Variants in ITGA10 observed in about 807,000 individuals in gnomAD.
ITGA10 encodes the protein integrin subunit alpha 10.
Under a neutral mutation model 145.2 loss-of-function variants are expected in ITGA10, and 105 were observed. The observed-to-expected ratio is 0.72, with a 90% CI of 0.62 to 0.85. The LOEUF (loss-of-function observed/expected upper bound fraction) is 0.85. Ranked by LOEUF, ITGA10 falls within the 40% of genes least tolerant of loss-of-function variation. The pLI, the probability that ITGA10 is intolerant of heterozygous loss-of-function variation, is 0.00. For synonymous variants in ITGA10, 506 were observed against 557.8 expected (o/e 0.91, Z 1.31); for missense variants, 1,317 against 1,444.5 (o/e 0.91, Z 1.43).
chr1:145,902,768 C>A (rs374148048), intron 8 of ITGA10, 43 bp downstream of exon 8: 19 of 1,581,186 alleles, frequency 1.2e-5, no homozygotes, highest in Non-Finnish European at 1.4e-5. Context: ...ACACTGCCCC[C>A]CTGCCACTCC....
At chr1:145,899,490 G>T in intron 15 of ITGA10, 149 bp from the exon 16 acceptor site, 2 of 838,528 alleles carry the variant, frequency 2.4e-6, no homozygotes, top group Non-Finnish European at 1.9e-6. Flanking sequence ...ACAGAAGTAA[G>T]ATAATAGATT....
In ITGA10 at chr1:145,893,289, G is replaced by A; in HGVS notation, c.3325-15C>T. The A allele has an allele frequency of 6.3e-7, 1 of 1,581,690 alleles. No individual in the cohort carries two copies. Among genetic ancestry groups the A allele is most frequent in the Non-Finnish European group, 8.7e-7 (1 of 1,150,630 alleles). On this transcript the variant is annotated splice_polypyrimidine_tract_variant and intron_variant, in intron 28 of 29. Transcript: ENST00000369304. ...TCCAAGAGGCTCTGCGTGGACAGAA[G>A]AGTAGTTTTCTACATGCATCCTATA...
chr1:145,904,287 G>GA lies in ITGA10; in HGVS notation c.610-88dup, dbSNP rs1553750327. ...AGAAAGTATATAAGAGAGGAGAGAT[G>GA]AACACCTGGATACTACTGAAGACAA... On this transcript the variant is annotated intron_variant, in intron 6 of 29. Transcript: ENST00000369304. 3.1e-6 allele frequency: 4 copies of GA among 1,272,830 alleles called. No individual in the cohort carries two copies. The East Asian group carries it at 9.3e-5, about 30-fold the overall frequency. 78.8% of individuals were successfully genotyped at this position (1,272,830 alleles called of 1,614,324 possible).
intron 17 of ITGA10, 41 bp from the exon 18 acceptor site, chr1:145,898,264 C>A (rs782310528): frequency 7.6e-7 from 1 of 1,311,316 alleles, no homozygotes; most frequent in Non-Finnish European, 1.1e-6. Flanking sequence ...AGTCAAGGAT[C>A]TTGTGATAAT....
intron 8 of ITGA10, 93 bp downstream of exon 8, chr1:145,902,718 T>G: frequency 6.5e-7 from 1 of 1,540,288 alleles, no homozygotes; most frequent in Non-Finnish European, 8.7e-7. Context: ...GTTAATGCCC[T>G]TGTTTTCCTC....
chr1:145,894,332 G>A (rs1034693813), intron 27 of ITGA10, among the ~76,000 whole-genome samples: 3 of 151,840 alleles, frequency 2.0e-5, no homozygotes, highest in African/African-American at 4.8e-5. Context: ...GGATGGTCTC[G>A]ATCTCCTGAT....
In ITGA10 at chr1:145,897,616, C is replaced by G; in HGVS notation, c.2470G>C (p.Val824Leu). Residue 824 changes from valine to leucine, a missense_variant, in exon 20 of 30, where the codon GTG becomes CTG. Coordinates refer to ENST00000369304, the MANE Select transcript of ITGA10 (RefSeq NM_003637.5). ...TTCTCCAGAGTTGTAGATACCAGCA[C>G]TTTCCGCCGGCCACCTCGAACCACA... ...PFVVRGGRRK[V>L]LVSTTLENRK... The G allele has an allele frequency of 6.2e-7, 1 of 1,614,154 alleles. No homozygotes were observed. Among genetic ancestry groups the G allele is most frequent in the Non-Finnish European group, 8.5e-7 (1 of 1,180,032 alleles).
intron 7 of ITGA10, among the ~76,000 whole-genome samples, chr1:145,903,354 AC>A (rs1656654525): frequency 6.6e-6 from 1 of 152,164 alleles, no homozygotes. Flanking sequence ...CAATTTTACC[AC>A]CGTGCCCCTA....
rs782717457 is a variant in ITGA10, at chr1:145,909,978, G to T, written c.37C>A (p.Leu13Met). The T allele has an allele frequency of 1.2e-6, 2 of 1,613,446 alleles. No homozygotes were observed. Among genetic ancestry groups the T allele is most frequent in the Admixed American group, 1.7e-5 (1 of 59,994 alleles). ...CTTCCCTCACCTGTCAGGAACACCA[G>T]GGGCAAGAACAGGTGAGTGACGAAG... ...LPFVTHLFLP[L>M]VFLTGLCSPF... Residue 13 changes from leucine to methionine, a missense_variant, in exon 1 of 30, where the codon CTG (leucine) becomes ATG (methionine). Coordinates refer to ENST00000369304, the MANE Select transcript of ITGA10 (RefSeq NM_003637.5).
In ITGA10 at chr1:145,898,964, G is replaced by A. The variant is rs782552606; in HGVS notation, c.2204C>T (p.Thr735Ile). The part of the protein sequence containing the change: ...RRLRLSVGNV[T>I]CEQLHFHVLD... ...CACATGGAAGTGTAGCTGCTCACAA[G>A]TGACATTCCCCACACTGAGCCGGAG... Residue 735 changes from threonine (T) to isoleucine (I), a missense_variant, in exon 17 of 30, where the codon ACT becomes ATT. Thr to Ile is a moderately conservative substitution (Grantham distance 89). Transcript: ENST00000369304. The A allele has an allele frequency of 6.2e-7, 1 of 1,614,134 alleles. No homozygotes were observed. The highest frequency in any genetic ancestry group is 1.1e-5 in the South Asian group (1 of 91,080).
At position 145,907,110 on chromosome 1, in the gene ITGA10, G is replaced by C. The variant is rs587766107; in HGVS notation, c.205C>G (p.Arg69Gly). Residue 69 changes from arginine (R) to glycine (G), a missense_variant, in exon 3 of 30, where the codon CGG becomes GGG. Physicochemically the swap from Arg to Gly is moderately radical, Grantham distance 125. Transcript: ENST00000369304. ...GAPWDGPSGD[R>G]RGDVYRCPVG... ...GGGCAGCGATAAACGTCCCCCCTCC[G>C]GTCGCCTGAAGGCCCATCCCAGGGG... 2.6e-6 allele frequency: 4 copies of C among 1,564,010 alleles called. No individual in the cohort carries two copies. In the African/African-American group the frequency reaches 5.4e-5, roughly 21 times the overall value.
In ITGA10 at chr1:145,901,967, A is replaced by C. The variant is rs781841339; in HGVS notation, c.1204T>G (p.Trp402Gly). Residue 402 changes from tryptophan (W) to glycine (G), a missense_variant, in exon 11 of 30, where the codon TGG becomes GGG. Physicochemically the swap from Trp to Gly is radical, Grantham distance 184. Transcript: ENST00000369304. This position sits in a 1 kb window ranked among gnomAD's most constrained non-coding sequence, Gnocchi z 4.3. ...AAAAGGCGGTGGCCTCCTTCAAGCCATAGCACAGAGCCTCCCCAGTCATAG... is the reference window on the plus strand; with the variant it reads ...AAAAGGCGGTGGCCTCCTTCAAGCCCTAGCACAGAGCCTCCCCAGTCATAG... ...GAYDWGGSVL[W>G]LEGGHRLFPP... is the part of the protein sequence containing the mutation. 1 of 1,614,166 alleles carries C rather than the reference A, an allele frequency of 6.2e-7. No individual in the cohort carries two copies. Among genetic ancestry groups the C allele is most frequent in the Non-Finnish European group, 8.5e-7 (1 of 1,180,036 alleles).
At chr1:145,906,854 A>G in intron 3 of ITGA10, 30 bp from the exon 4 acceptor site, 6 of 1,496,238 alleles carry the variant, frequency 4.0e-6, no homozygotes, top group Non-Finnish European at 5.6e-6. Flanking sequence ...AGAGAATGAG[A>G]TCATGGGGTC....
intron 28 of ITGA10, 106 bp from the exon 29 acceptor site, chr1:145,893,380 T>G: frequency 1.0e-6 from 1 of 973,868 alleles, no homozygotes; most frequent in Non-Finnish European, 1.6e-6. Context: ...AACCTCCTGC[T>G]ACTTAAAGGA....
chr1:145,899,204 C>A lies in ITGA10; in HGVS notation c.2060G>T (p.Arg687Leu), dbSNP rs782806442. The A allele has an allele frequency of 1.2e-5, 19 of 1,614,100 alleles. 1 individual carries two copies. In the East Asian group the frequency reaches 4.0e-4, roughly 34 times the overall value. Residue 687 changes from arginine (R) to leucine (L), a missense_variant, in exon 16 of 30, where the codon CGT (arginine) becomes CTT (leucine). Arg to Leu is a moderately radical substitution (Grantham distance 102). Coordinates refer to ENST00000369304, the MANE Select transcript of ITGA10 (RefSeq NM_003637.5). The stretch of plus-strand genomic sequence containing the variant: ...TTGGTGATCCCAGCGACCAGGAGTA[C>A]GGGAGGTCACTTGGAAGCAAAGGGC... ...TAALCFQVTS[R>L]TPGRWDHQFY...
In ITGA10 at chr1:145,910,023, G is replaced by A. The variant is rs369903792; in HGVS notation, c.-9C>T. 115 of 1,611,968 alleles carry A rather than the reference G, an allele frequency of 7.1e-5. No individual in the cohort carries two copies. The highest frequency in any genetic ancestry group is 1.7e-4 in the Middle Eastern group (1 of 6,050). On this transcript the variant is annotated 5_prime_UTR_variant, in exon 1 of 30. Coordinates refer to ENST00000369304, the MANE Select transcript of ITGA10 (RefSeq NM_003637.5). ...ACGAAGGGGAGTTCCATGCCTGATC[G>A]GTTTCTGTCCAGTATGAGAAGTCCT...
intron 5 of ITGA10, 66 bp downstream of exon 5, chr1:145,906,328 G>T (rs1553750965): frequency 5.0e-6 from 6 of 1,204,784 alleles, no homozygotes; most frequent in Non-Finnish European, 7.4e-6. Context: ...ATACCGCTTT[G>T]CCCCATCTTT....
At chr1:145,894,528 C>T (rs1553744239) in intron 27 of ITGA10, among the ~76,000 whole-genome samples, 1 of 152,160 alleles carries the variant, frequency 6.6e-6, no homozygotes, top group Non-Finnish European at 1.5e-5. Flanking sequence ...TTCCCTAAAA[C>T]ATATGATGAC....
rs2101820697 is a variant in ITGA10, at chr1:145,904,768, G to A, written c.525C>T (p.Ser175=). The change falls in exon 6 of 30, where the codon TCC becomes TCT. Residue 175 remains serine, a synonymous_variant. Coordinates refer to ENST00000369304, the MANE Select transcript of ITGA10 (RefSeq NM_003637.5). ...YMDVVIVLDG[S]NSIYPWSEVQ... ...CTTCAGACCAGGGGTAGATGCTGTTGGAGCCATCCAAGACAATGACAACAT... is the reference window on the plus strand; with the variant it reads ...CTTCAGACCAGGGGTAGATGCTGTTAGAGCCATCCAAGACAATGACAACAT... The A allele has an allele frequency of 6.2e-7, 1 of 1,613,954 alleles. No homozygotes were observed. The highest frequency in any genetic ancestry group is 8.5e-7 in the Non-Finnish European group (1 of 1,179,886).
Sources: gnomAD v4.1 joint callset for allele counts (sites outside exome capture counted in the v4.1 genomes callset) on GRCh38, gnomAD v4.1.1 for gene constraint, Gnocchi (gnomAD v3.1) non-coding constraint, MANE v1.5 for transcripts, NCBI Gene and HGNC (gene_info 2026-07-23, HGNC 2026-07-21) for gene names.